ZNF592: variants seen among roughly 807,000 people sequenced by gnomAD.
ZNF592 encodes spinocerebellar ataxia, autosomal recessive 5.
A neutral mutation model predicts 80.3 loss-of-function variants in ZNF592; 11 were observed. The ratio of observed to expected loss-of-function variants is 0.14; its 90% CI spans 0.09 to 0.23. The LOEUF is 0.23. Ranked by LOEUF, ZNF592 falls within the 10% of genes least tolerant of loss-of-function variation. The pLI, the probability that ZNF592 is intolerant of heterozygous loss-of-function variation, is 1.00. For synonymous variants in ZNF592, 646 were observed against 640.3 expected (o/e 1.01, Z -0.13); for missense variants, 1,420 against 1,633.9 (o/e 0.87, Z 2.26).
intron 4 of ZNF592, among the ~76,000 whole-genome samples, chr15:84,789,071 AC>A (rs956377202): frequency 9.9e-5 from 15 of 151,726 alleles, no homozygotes; most frequent in African/African-American, 3.4e-4. Flanking sequence ...AACAAAAAAA[AC>A]AAAACAGAAA....
intron 1 of ZNF592, among the ~76,000 whole-genome samples, chr15:84,756,878 G>A (rs757223160): frequency 5.3e-5 from 8 of 152,010 alleles, no homozygotes; most frequent in East Asian, 1.9e-4. Context: ...TTGGGAGGCC[G>A]AGGTGGGTGG....
At chr15:84,778,777 A>G (rs1962339214) in intron 3 of ZNF592, among the ~76,000 whole-genome samples, 1 of 152,174 alleles carries the variant, frequency 6.6e-6, no homozygotes, top group South Asian at 2.1e-4. Flanking sequence ...CAAATGGAGA[A>G]CAGCAGCTAG....
chr15:84,757,545 G>T (rs1184986958), intron 1 of ZNF592, among the ~76,000 whole-genome samples: 2 of 151,958 alleles, frequency 1.3e-5, no homozygotes, highest in Non-Finnish European at 2.9e-5. Flanking sequence ...GTAGAGACAG[G>T]ATCTCGCTGT....
chr15:84,783,962 A>G lies in ZNF592; in HGVS notation c.1287A>G (p.Glu429=). ...SEMPGDEVPV[E]EHFPEAGTNS... is the part of the protein sequence containing the mutation. Reference sequence around the variant, plus strand: ...TGCCAGGGGATGAGGTGCCTGTGGAAGAGCACTTTCCTGAGGCAGGCACAA... The same window carrying G: ...TGCCAGGGGATGAGGTGCCTGTGGAGGAGCACTTTCCTGAGGCAGGCACAA... The change falls in exon 4 of 11, where the codon GAA becomes GAG. Residue 429 remains glutamate, a synonymous_variant. Coordinates refer to ENST00000560079, the MANE Select transcript of ZNF592 (RefSeq NM_014630.3). This position sits in a 1 kb window ranked among gnomAD's most constrained non-coding sequence, Gnocchi z 5.0. 1 of 1,613,616 alleles carries G rather than the reference A, an allele frequency of 6.2e-7. No individual in the cohort carries two copies. The highest frequency in any genetic ancestry group is 1.3e-5 in the African/African-American group (1 of 75,052).
At chr15:84,769,741 T>TG (rs1899643475) in intron 2 of ZNF592, among the ~76,000 whole-genome samples, 1 of 152,092 alleles carries the variant, frequency 6.6e-6, no homozygotes, top group African/African-American at 2.4e-5. Flanking sequence ...GGACATGATG[T>TG]GATGTGTGCT....
chr15:84,783,962 A>T lies in ZNF592; in HGVS notation c.1287A>T (p.Glu429Asp). ...SEMPGDEVPV[E>D]EHFPEAGTNS... The stretch of plus-strand genomic sequence containing the variant: ...TGCCAGGGGATGAGGTGCCTGTGGA[A>T]GAGCACTTTCCTGAGGCAGGCACAA... Residue 429 changes from glutamate (E) to aspartate (D), a missense_variant, in exon 4 of 11, where the codon GAA becomes GAT. By Grantham distance (45) the Glu-to-Asp change is conservative. Around this residue, in one of 7 missense-constraint regions of ZNF592, gnomAD observed 524 missense variants for 628.3 expected, o/e 0.83. Coordinates refer to ENST00000560079, the MANE Select transcript of ZNF592 (RefSeq NM_014630.3). The surrounding 1 kb of genome is among the most constrained non-coding windows in gnomAD (Gnocchi z 5.0). The T allele has an allele frequency of 1.9e-6, 3 of 1,613,616 alleles. No individual in the cohort carries two copies. Among genetic ancestry groups the T allele is most frequent in the Non-Finnish European group, 2.5e-6 (3 of 1,179,520 alleles).
chr15:84,792,252 A>G (rs1479104951), intron 5 of ZNF592, among the ~76,000 whole-genome samples: 1 of 151,464 alleles, frequency 6.6e-6, no homozygotes, highest in Non-Finnish European at 1.5e-5. Context: ...GGAGTTTGGC[A>G]GAGGCGAGGC....
In ZNF592 at chr15:84,783,775, G is replaced by T. The variant is rs757279076; in HGVS notation, c.1100G>T (p.Ser367Ile). ...SSKGSPSVAA[S>I]SPPAIPKVRI... ...AAAGGCTCACCGTCTGTGGCTGCCA[G>T]CTCCCCACCAGCAATTCCCAAAGTG... Residue 367 changes from serine to isoleucine, a missense_variant, in exon 4 of 11, where the codon AGC becomes ATC. Transcript: ENST00000560079. The surrounding 1 kb of genome is among the most constrained non-coding windows in gnomAD (Gnocchi z 5.0). 6.2e-7 allele frequency: 1 copy of T among 1,614,226 alleles called. No homozygotes were observed. The highest frequency in any genetic ancestry group is 1.3e-5 in the African/African-American group (1 of 75,056).
chr15:84,793,381 A>G (rs1962805487), intron 5 of ZNF592, among the ~76,000 whole-genome samples: 1 of 152,248 alleles, frequency 6.6e-6, no homozygotes, highest in Admixed American at 6.5e-5. Flanking sequence ...CTGGCCCAAG[A>G]AATGTTTAAT....
At chr15:84,759,351 T>G (rs17534409) in intron 1 of ZNF592, among the ~76,000 whole-genome samples, 8,830 of 152,226 alleles carry the variant, frequency 0.058, 377 homozygotes, top group Non-Finnish European at 0.09. Context: ...GGGAACATTC[T>G]CTAGTACCCA....
At chr15:84,792,225 T>C (rs1962769379) in intron 5 of ZNF592, among the ~76,000 whole-genome samples, 1 of 151,616 alleles carries the variant, frequency 6.6e-6, no homozygotes, top group African/African-American at 2.4e-5. Context: ...ATAGCTTTTA[T>C]ATGGAATGAG....
intron 5 of ZNF592, among the ~76,000 whole-genome samples, chr15:84,791,516 G>A (rs1380509721): frequency 6.6e-6 from 1 of 152,092 alleles, no homozygotes; most frequent in East Asian, 1.9e-4. Flanking sequence ...AGAGCTCATT[G>A]ATCTGTAAGT....
intron 2 of ZNF592, among the ~76,000 whole-genome samples, chr15:84,768,434 C>T (rs1899601047): frequency 1.3e-5 from 2 of 151,836 alleles, no homozygotes; most frequent in South Asian, 4.2e-4. Context: ...GACAAGGTTT[C>T]ATCATGTGGA....
chr15:84,801,102 C>G (rs959206836), intron 10 of ZNF592, among the ~76,000 whole-genome samples: 1 of 152,218 alleles, frequency 6.6e-6, no homozygotes, highest in Admixed American at 6.5e-5. Flanking sequence ...GGAAGGATCA[C>G]TTGAGCCTAG....
At chr15:84,762,177 A>T (rs1899371731) in intron 1 of ZNF592, among the ~76,000 whole-genome samples, 1 of 152,246 alleles carries the variant, frequency 6.6e-6, no homozygotes, top group Admixed American at 6.5e-5. Context: ...CAAGGAACAA[A>T]ATAAACACAA....
intron 3 of ZNF592, among the ~76,000 whole-genome samples, chr15:84,780,409 T>G (rs1962386496): frequency 6.6e-6 from 1 of 152,236 alleles, no homozygotes; most frequent in Non-Finnish European, 1.5e-5. Flanking sequence ...CACTTGGTAT[T>G]GAGTGCCCAC....
intron 4 of ZNF592, among the ~76,000 whole-genome samples, chr15:84,789,200 A>G (rs1962670463): frequency 6.6e-6 from 1 of 151,692 alleles, no homozygotes; most frequent in Non-Finnish European, 1.5e-5. Context: ...GTGAGCCAAG[A>G]TCATGCCACT....
At chr15:84,759,968 CCCT>C (rs757117847) in intron 1 of ZNF592, among the ~76,000 whole-genome samples, 4,589 of 22,174 alleles carry the variant, frequency 0.21, 193 homozygotes, top group East Asian at 0.38. Context: ...CCCCCCCCCA[CCCT>C]GCCATTTAAA....
In ZNF592 at chr15:84,783,672, C is replaced by CG; in HGVS notation, c.999dup (p.Ser334GlufsTer7). The CG allele has an allele frequency of 6.2e-7, 1 of 1,614,232 alleles. No homozygotes were observed. ...AATGCCCAAGTCACCAAAGAGTCCC[C>CG]GGAGCCCTCTGGAGGCCACTAGAAA... On this transcript the variant is annotated frameshift_variant, in exon 4 of 11. Transcript: ENST00000560079. LOFTEE classifies it high-confidence loss of function. The surrounding 1 kb of genome is among the most constrained non-coding windows in gnomAD (Gnocchi z 5.0).
Sources: gnomAD v4.1 joint callset for allele counts (sites outside exome capture counted in the v4.1 genomes callset) on GRCh38, gnomAD v4.1.1 for gene constraint, gnomAD v4.1.1 regional missense constraint, Gnocchi (gnomAD v3.1) non-coding constraint, MANE v1.5 for transcripts, NCBI Gene and HGNC (gene_info 2026-07-23, HGNC 2026-07-21) for gene names.